Variants in SYNE2 observed in about 807,000 individuals in gnomAD.
SYNE2 encodes the protein spectrin repeat containing nuclear envelope protein 2, also known as nesprin-2.
SYNE2 carries 431 observed loss-of-function variants against 856.3 expected under a neutral mutation model. The ratio of observed to expected loss-of-function variants is 0.50; its 90% CI spans 0.47 to 0.55. The LOEUF (loss-of-function observed/expected upper bound fraction) is 0.55. Ranked by LOEUF, SYNE2 falls within the 20% of genes least tolerant of loss-of-function variation. SYNE2 has a pLI of 0.00. For synonymous variants in SYNE2, 2,923 were observed against 2,872.3 expected (o/e 1.02, Z -0.56); for missense variants, 8,129 against 8,023.2 (o/e 1.01, Z -0.50).
chr14:64,111,333 A>G (rs1214595449), intron 65 of SYNE2, among the ~76,000 whole-genome samples: 1 of 152,212 alleles, frequency 6.6e-6, no homozygotes, highest in Non-Finnish European at 1.5e-5. Flanking sequence ...ATATTAATAG[A>G]TTGTTCTCTC....
chr14:64,022,670 A>G (rs2096944392), intron 37 of SYNE2, 81 bp from the exon 38 acceptor site: 1 of 799,902 alleles, frequency 1.3e-6, no homozygotes, highest in Non-Finnish European at 2.2e-6. Context: ...TGGCATGGGA[A>G]ACAAGTTTCA....
chr14:63,971,579 A>ATT (rs751997735), intron 11 of SYNE2, among the ~76,000 whole-genome samples: 6 of 142,536 alleles, frequency 4.2e-5, no homozygotes, highest in Admixed American at 7.1e-5. Context: ...CCATGTTATC[A>ATT]TTTTTTTTTT....
chr14:64,093,294 C>T, intron 60 of SYNE2, 55 bp from the exon 61 acceptor site: 2 of 1,595,544 alleles, frequency 1.3e-6, no homozygotes, highest in Non-Finnish European at 8.6e-7. Context: ...GAAAATAGTC[C>T]ATTAATCTGC....
intron 1 of SYNE2, among the ~76,000 whole-genome samples, chr14:63,871,308 C>T (rs993416702): frequency 9.2e-5 from 14 of 151,544 alleles, no homozygotes; most frequent in Admixed American, 6.6e-4. Flanking sequence ...TGGGTTCAAG[C>T]GATTCTCCTG....
chr14:63,780,056 G>T (rs1444026491), intron 1 of SYNE2, among the ~76,000 whole-genome samples: 1 of 152,110 alleles, frequency 6.6e-6, no homozygotes, highest in East Asian at 1.9e-4. Flanking sequence ...AAGATCATAG[G>T]ACACATGGTC....
chr14:63,862,647 A>G (rs1454433079), intron 1 of SYNE2, among the ~76,000 whole-genome samples: 1 of 152,230 alleles, frequency 6.6e-6, no homozygotes, highest in Non-Finnish European at 1.5e-5. Flanking sequence ...CTAGAATAGT[A>G]AGAAAGACTA....
Position 64,137,802 on chromosome 14 carries a change from A to G in SYNE2, c.14662A>G (p.Ile4888Val). ...ISFYQQIKRN[I>V]GGKHARLYQT... ...TTTTTATTAGCAAATAAAAAGAAAC[A>G]TTGGTGGAAAACACGCCCGGCTTTA... Residue 4888 changes from isoleucine to valine, a missense_variant, in exon 79 of 116, where the codon ATT (isoleucine) becomes GTT (valine). Ile to Val is a conservative substitution (Grantham distance 29). Coordinates refer to ENST00000555002, the MANE Select transcript of SYNE2 (RefSeq NM_182914.3). The G allele has an allele frequency of 6.2e-7, 1 of 1,614,214 alleles. No homozygotes were observed. Among genetic ancestry groups the G allele is most frequent in the Admixed American group, 1.7e-5 (1 of 60,036 alleles).
chr14:63,845,504 A>G (rs1466197040), intron 1 of SYNE2, among the ~76,000 whole-genome samples: 2 of 150,944 alleles, frequency 1.3e-5, no homozygotes, highest in Non-Finnish European at 1.5e-5. Flanking sequence ...TTTAAAATTT[A>G]GTGTTATACT....
chr14:64,219,079 CAG>C, intron 109 of SYNE2, 127 bp from the exon 110 acceptor site: 1 of 856,282 alleles, frequency 1.2e-6, no homozygotes, highest in Non-Finnish European at 1.8e-6. Context: ...ACCCTTCTGT[CAG>C]GGGAATCCCC....
rs752222544 is a variant in SYNE2, at chr14:64,225,306, C to T, written c.20517-13C>T. The T allele has an allele frequency of 2.0e-5, 32 of 1,613,994 alleles. No individual in the cohort carries two copies. The highest frequency in any genetic ancestry group is 3.3e-5 in the South Asian group (3 of 91,088). ...GAGCCTCCCAATCAGCTCTCAACCT[C>T]CTCTGTTGGCAGGGTCCCCGGCAGC... On this transcript the variant is annotated splice_polypyrimidine_tract_variant and intron_variant, in intron 115 of 115. Transcript: ENST00000555002.
intron 101 of SYNE2, chr14:64,209,220 G>T: frequency 1.1e-6 from 1 of 926,058 alleles, no homozygotes; most frequent in Non-Finnish European, 1.6e-6. Flanking sequence ...CTGTCTCCTG[G>T]TTTTTTAACC....
Position 63,977,923 on chromosome 14 carries a change from G to T in SYNE2, c.1312G>T (p.Glu438Ter). 1 of 1,613,130 alleles carries T rather than the reference G, an allele frequency of 6.2e-7. No individual in the cohort carries two copies. Among genetic ancestry groups the T allele is most frequent in the South Asian group, 1.1e-5 (1 of 91,030 alleles). The stretch of plus-strand genomic sequence containing the variant: ...TTTTCAGAGCCTGATGGATAGATTT[G>T]AGCATCATTCGAACATTCTCCTTAC... ...TLFKSLMDRF[E>*]HHSNILLTFE... Residue 438 changes from glutamate to a stop codon, truncating the protein, a stop_gained, in exon 13 of 116, where the codon GAG (glutamate) becomes TAG (stop). Transcript: ENST00000555002. LOFTEE classifies it high-confidence loss of function.
chr14:63,929,644 G>A lies in SYNE2; in HGVS notation c.80-10970G>A, dbSNP rs10135908. 7.0e-4 allele frequency among the ~76,000 whole-genome samples: 107 copies of A among 152,006 alleles called. 1 individual carries two copies. The highest frequency in any genetic ancestry group is 2.2e-3 in the African/African-American group (92 of 41,484). On this transcript the variant is annotated intron_variant, in intron 2 of 115. Coordinates refer to ENST00000555002, the MANE Select transcript of SYNE2 (RefSeq NM_182914.3). ...AAATTAGCTGGGCGTGGGGGTGGGC[G>A]CCTGTAATCCCAGCTACTCGGGAGG... is the stretch of plus-strand genomic sequence containing the variant.
chr14:63,940,658 A>G lies in SYNE2; in HGVS notation c.124A>G (p.Asn42Asp), dbSNP rs779957646. Residue 42 changes from asparagine (N) to aspartate (D), a missense_variant, in exon 3 of 116, where the codon AAC becomes GAC. Around this residue, in one of 3 missense-constraint regions of SYNE2, gnomAD observed 2,422 missense variants for 2,357.4 expected, o/e 1.03. Coordinates refer to ENST00000555002, the MANE Select transcript of SYNE2 (RefSeq NM_182914.3). Reference protein sequence around the residue: ...TQKKAFTCWINSQLARHTSPS... With the variant: ...TQKKAFTCWIDSQLARHTSPS... Reference sequence around the variant, plus strand: ...GAAGAAAGCCTTCACGTGCTGGATAAACTCACAGTTGGCCAGGGTAAGCAA... The same window carrying G: ...GAAGAAAGCCTTCACGTGCTGGATAGACTCACAGTTGGCCAGGGTAAGCAA... 2 of 1,614,146 alleles carry G rather than the reference A, an allele frequency of 1.2e-6. No homozygotes were observed. Among genetic ancestry groups the G allele is most frequent in the Non-Finnish European group, 1.7e-6 (2 of 1,180,012 alleles).
chr14:64,063,345 G>A (rs2097332218), intron 50 of SYNE2, among the ~76,000 whole-genome samples: 1 of 152,226 alleles, frequency 6.6e-6, no homozygotes, highest in Non-Finnish European at 1.5e-5. Flanking sequence ...ACTGCGCCTG[G>A]CCTTATGTAA....
chr14:64,161,986 A>G lies in SYNE2; in HGVS notation c.16095-86A>G, dbSNP rs1364863428. The G allele has an allele frequency of 1.2e-5, 18 of 1,462,518 alleles. No homozygotes were observed. In the Admixed American group the frequency reaches 1.4e-4, roughly 12 times the overall value. The allele number at this position is 1,462,518 out of a possible 1,614,324, so 90.6% of individuals were successfully genotyped here. A position where few individuals can be genotyped will look rare whatever the true frequency, so the allele number is the denominator to read the frequency against. Reference sequence around the variant, plus strand: ...TCTTCTTAATGATCCATCTGCTAGTAACTTACCAGTAGAGTGTGTGCATTG... The same window carrying G: ...TCTTCTTAATGATCCATCTGCTAGTGACTTACCAGTAGAGTGTGTGCATTG... On this transcript the variant is annotated intron_variant, in intron 87 of 115. Transcript: ENST00000555002.
At chr14:63,986,337 C>A in intron 18 of SYNE2, 119 bp from the exon 19 acceptor site, 1 of 1,057,556 alleles carries the variant, frequency 9.5e-7, no homozygotes, top group Non-Finnish European at 1.4e-6. Flanking sequence ...TAGCCTCAAG[C>A]AATCCTCCTG....
At chr14:63,816,921 A>G (rs1408099755) in intron 1 of SYNE2, among the ~76,000 whole-genome samples, 1 of 151,978 alleles carries the variant, frequency 6.6e-6, no homozygotes, top group African/African-American at 2.4e-5. Context: ...GTCTTGCTAT[A>G]TTGGCTAGGC....
chr14:63,830,264 GTT>G (rs79592787), intron 1 of SYNE2, among the ~76,000 whole-genome samples: 1 of 141,040 alleles, frequency 7.1e-6, no homozygotes. Flanking sequence ...ACAGTGTGAG[GTT>G]TTTTTTTTTT....
Sources: allele counts gnomAD v4.1 joint callset (sites outside exome capture counted in the v4.1 genomes callset), GRCh38; gene constraint gnomAD v4.1.1; regional missense constraint gnomAD v4.1.1; transcripts MANE v1.5; gene names NCBI Gene and HGNC (gene_info 2026-07-23, HGNC 2026-07-21).